IL1RAPL1: variants seen among roughly 807,000 people sequenced by gnomAD.
IL1RAPL1 encodes interleukin 1 receptor accessory protein like 1.
A neutral mutation model predicts 48.4 loss-of-function variants in IL1RAPL1; 3 were observed. That is an observed-to-expected ratio of 0.06 (90% CI 0.03 to 0.16). The LOEUF (loss-of-function observed/expected upper bound fraction) is 0.16, where lower values mean the gene tolerates loss of function less well. IL1RAPL1 is among the 10% of genes least tolerant of loss of function. IL1RAPL1 has a pLI of 1.00. For missense variants in IL1RAPL1, 349 were observed against 530.6 expected (o/e 0.66, Z 3.36); for synonymous variants, 185 against 187.7 (o/e 0.99, Z 0.12).
At chrX:29,163,524 T>G (rs1929727551) in intron 2 of IL1RAPL1, among the ~76,000 whole-genome samples, 1 of 111,512 alleles carries the variant, frequency 9.0e-6, no homozygotes, top group Non-Finnish European at 1.9e-5. Context: ...CAAAGTAATT[T>G]AGCAGTAATT....
intron 6 of IL1RAPL1, among the ~76,000 whole-genome samples, chrX:29,741,125 G>A (rs1294204005): frequency 8.9e-6 from 1 of 112,294 alleles, no homozygotes; most frequent in East Asian, 2.8e-4. Context: ...AGTTTTGCTT[G>A]AAATAAGACT....
intron 2 of IL1RAPL1, among the ~76,000 whole-genome samples, chrX:29,108,819 T>C (rs1361554962): frequency 9.0e-6 from 1 of 111,634 alleles, no homozygotes; most frequent in Non-Finnish European, 1.9e-5. Flanking sequence ...GGCATACATA[T>C]GTTGAGCTTC....
intron 1 of IL1RAPL1, among the ~76,000 whole-genome samples, chrX:28,769,780 G>A (rs1423403523): frequency 9.0e-6 from 1 of 111,628 alleles, no homozygotes; most frequent in Non-Finnish European, 1.9e-5. Context: ...TACTGCTGCT[G>A]CATCTGCTCA....
intron 2 of IL1RAPL1, among the ~76,000 whole-genome samples, chrX:29,155,454 T>G (rs1183335356): frequency 8.9e-6 from 1 of 112,204 alleles, no homozygotes; most frequent in Non-Finnish European, 1.9e-5. Context: ...TCTATTCTTC[T>G]AGGACTGGCT....
At chrX:28,603,063 A>G (rs1158487348) in intron 1 of IL1RAPL1, among the ~76,000 whole-genome samples, 6 of 111,708 alleles carry the variant, frequency 5.4e-5, no homozygotes, top group African/African-American at 2.0e-4. Flanking sequence ...ATTGGAAATA[A>G]TTTCATACCT....
chrX:29,353,242 T>C (rs16988507), intron 3 of IL1RAPL1, among the ~76,000 whole-genome samples: 6,887 of 111,234 alleles, frequency 0.062, 312 homozygotes, highest in East Asian at 0.14. Flanking sequence ...ATTGAGATGA[T>C]TGGCAAGACC....
intron 2 of IL1RAPL1, among the ~76,000 whole-genome samples, chrX:29,002,826 T>C (rs780001485): frequency 9.1e-6 from 1 of 110,460 alleles, no homozygotes; most frequent in Non-Finnish European, 1.9e-5. Flanking sequence ...GGGGTGGGGA[T>C]AGTACCATTA....
At chrX:28,819,674 A>G (rs999857263) in intron 2 of IL1RAPL1, among the ~76,000 whole-genome samples, 7 of 109,593 alleles carry the variant, frequency 6.4e-5, no homozygotes, top group African/African-American at 2.3e-4. Context: ...TATATAAATC[A>G]TTCTGTGGAA....
chrX:29,050,190 G>A (rs186853519), intron 2 of IL1RAPL1, among the ~76,000 whole-genome samples: 1 of 111,632 alleles, frequency 9.0e-6, no homozygotes, highest in African/African-American at 3.3e-5. Context: ...CCAACTATAG[G>A]CATACACCAC....
At chrX:28,722,124 C>T (rs1323540874) in intron 1 of IL1RAPL1, among the ~76,000 whole-genome samples, 1 of 111,610 alleles carries the variant, frequency 9.0e-6, no homozygotes, top group African/African-American at 3.3e-5. Flanking sequence ...TTTTCTAATT[C>T]TGCGAAGAAA....
intron 5 of IL1RAPL1, among the ~76,000 whole-genome samples, chrX:29,415,309 G>T (rs1364224927): frequency 8.9e-6 from 1 of 112,030 alleles, no homozygotes; most frequent in Non-Finnish European, 1.9e-5. Context: ...AGATGTCTCA[G>T]TGTGATGATG....
chrX:28,946,269 A>G (rs761313891), intron 2 of IL1RAPL1, among the ~76,000 whole-genome samples: 2 of 110,732 alleles, frequency 1.8e-5, no homozygotes, highest in Non-Finnish European at 3.8e-5. Flanking sequence ...CAATAACTTC[A>G]ATCATTTATT....
chrX:28,904,566 A>G (rs779468170), intron 2 of IL1RAPL1, among the ~76,000 whole-genome samples: 2 of 112,068 alleles, frequency 1.8e-5, no homozygotes, highest in Non-Finnish European at 3.8e-5. Context: ...CACGTTTTAA[A>G]TTTCTGTTTT....
At chrX:29,582,017 G>A (rs1922978933) in intron 5 of IL1RAPL1, among the ~76,000 whole-genome samples, 1 of 111,881 alleles carries the variant, frequency 8.9e-6, no homozygotes, top group African/African-American at 3.3e-5. Flanking sequence ...TGTCCTAACA[G>A]GTTTGAATGG....
At chrX:29,699,158 G>A (rs1224676030) in intron 6 of IL1RAPL1, among the ~76,000 whole-genome samples, 6 of 112,370 alleles carry the variant, frequency 5.3e-5, no homozygotes, top group African/African-American at 1.9e-4. Context: ...AAGTCTATGT[G>A]CCAACCCCAG....
At chrX:28,917,540 G>A (rs1035119890) in intron 2 of IL1RAPL1, among the ~76,000 whole-genome samples, 3 of 111,770 alleles carry the variant, frequency 2.7e-5, no homozygotes, top group Non-Finnish European at 5.6e-5. Context: ...GATGGTTCAA[G>A]TACAGTGATT....
At chrX:29,066,077 G>A (rs1167079346) in intron 2 of IL1RAPL1, among the ~76,000 whole-genome samples, 2 of 111,683 alleles carry the variant, frequency 1.8e-5, no homozygotes, top group Admixed American at 1.9e-4. Flanking sequence ...CGTATATGGG[G>A]AACACTTTTT....
chrX:29,832,446 G>A (rs1448780654), intron 6 of IL1RAPL1, among the ~76,000 whole-genome samples: 1 of 111,374 alleles, frequency 9.0e-6, no homozygotes, highest in African/African-American at 3.3e-5. Context: ...GGGAATTAGA[G>A]GCAGAAAAGG....
Position 29,476,347 on chromosome X carries a change from G to T in IL1RAPL1, c.703+77039G>T, listed in dbSNP as rs1934973458. On this transcript the variant is annotated intron_variant, in intron 5 of 10. Transcript: ENST00000378993. ...GTATAAGTGAGGCTAAAAGTATTTT[G>T]TGAATGGCATCACTCCATCTTTTAT... 1.8e-5 allele frequency among the ~76,000 whole-genome samples: 2 copies of T among 111,867 alleles called. 1 individual carries two copies. The highest frequency in any genetic ancestry group is 1.9e-4 in the Admixed American group (2 of 10,599).
Sources: allele counts gnomAD v4.1 joint callset (sites outside exome capture counted in the v4.1 genomes callset), GRCh38; gene constraint gnomAD v4.1.1; transcripts MANE v1.5; gene names NCBI Gene and HGNC (gene_info 2026-07-23, HGNC 2026-07-21).